The following SMC2 variants were observed in gnomAD, a reference collection of about 807,000 sequenced individuals.
SMC2 encodes the protein structural maintenance of chromosomes 2.
SMC2 carries 41 observed loss-of-function variants against 142.6 expected under a neutral mutation model. That is an observed-to-expected ratio of 0.29 (90% CI 0.22 to 0.37). The LOEUF is 0.37. Among genes scored for constraint, SMC2 ranks in the 10% least tolerant of loss-of-function variants. The pLI, the probability that SMC2 is intolerant of heterozygous loss-of-function variation, is 1.00. For synonymous variants in SMC2, 463 were observed against 457.5 expected, an observed-to-expected ratio of 1.01 and a Z score of -0.15; for missense variants, 1,265 against 1,373.7, an observed-to-expected ratio of 0.92 and a Z score of 1.25.
rs374325104 is a variant in SMC2 at position 104,113,471 on chromosome 9, T to C, written c.1410T>C (p.Tyr470=). ...AAGCTGAAATGAAAAAGCTAAATTATGAAGGTTTGCCTTTAAAAACATGAT... is the reference window on the plus strand; with the variant it reads ...AAGCTGAAATGAAAAAGCTAAATTACGAAGGTTTGCCTTTAAAAACATGAT... ...KLEAEMKKLN[Y]EENKEESLLE... is the part of the protein sequence containing the mutation. The change falls in exon 11 of 25, where the codon TAT becomes TAC. Residue 470 remains tyrosine (Y), a synonymous_variant. Coordinates refer to ENST00000374793, the MANE Select transcript of SMC2 (RefSeq NM_006444.3). The C allele has an allele frequency of 1.4e-5, 22 of 1,598,604 alleles. No individual in the cohort carries two copies. In the East Asian group the frequency reaches 1.6e-4, roughly 11 times the overall value.
intron 3 of SMC2, among the ~76,000 whole-genome samples, chr9:104,097,119 GTTTT>G (rs71501412): frequency 1.5e-3 from 153 of 104,118 alleles, no homozygotes; most frequent in African/African-American, 5.3e-3. Flanking sequence ...GCTTGTCAAG[GTTTT>G]TTTTTTTTTT....
intron 3 of SMC2, 80 bp downstream of exon 3, chr9:104,096,377 G>C: frequency 7.2e-7 from 1 of 1,383,948 alleles, no homozygotes; most frequent in Non-Finnish European, 1.0e-6. Flanking sequence ...TTTGCAAAAC[G>C]TGCTAGAGAA....
intron 9 of SMC2, among the ~76,000 whole-genome samples, chr9:104,108,000 C>T (rs932372781): frequency 6.6e-6 from 1 of 152,136 alleles, no homozygotes; most frequent in Non-Finnish European, 1.5e-5. Flanking sequence ...GGGCATACCT[C>T]CTCAGGTGGT....
intron 3 of SMC2, 104 bp from the exon 4 acceptor site, chr9:104,098,342 C>T: frequency 1.0e-6 from 1 of 962,612 alleles, no homozygotes; most frequent in Non-Finnish European, 1.5e-6. Context: ...GTTTTGTTTA[C>T]TGCTAGTCAG....
At position 104,129,967 on chromosome 9, in the gene SMC2, T is replaced by C. The variant is rs188858009; in HGVS notation, c.2991+122T>C. ...TGCAGATGTCCTTGATACTTTTCTT[T>C]CTGCTTTCCTTTTTCTCTTTTCGTC... On this transcript the variant is annotated intron_variant, in intron 21 of 24. Transcript: ENST00000374793. 87 of 716,526 alleles carry C rather than the reference T, an allele frequency of 1.2e-4. 1 individual carries two copies. The African/African-American group carries it at 1.3e-3, about 11-fold the overall frequency. The allele number at this position is 716,526 out of a possible 1,614,324, so 44.4% of individuals were successfully genotyped here.
rs1835467862 is a variant in SMC2 at position 104,135,812 on chromosome 9, A to AT, written c.3269+1239dup. 24 of 518,454 alleles carry AT rather than the reference A, an allele frequency of 4.6e-5. No homozygotes were observed. In the Admixed American group the frequency reaches 4.7e-4, roughly 10 times the overall value. The allele number at this position is 518,454 out of a possible 1,614,324, so 32.1% of individuals were successfully genotyped here. On this transcript the variant is annotated intron_variant, in intron 23 of 24. Transcript: ENST00000374793. ...TGCTGAAAGTATATGTCAACTTAGA[A>AT]TTGTATATCTAACAGAAATATTCTT...
Position 104,102,510 on chromosome 9 carries a change from C to T in SMC2, c.957C>T (p.Leu319=). Residue 319 remains leucine (L), a synonymous_variant, in exon 9 of 25, where the codon CTC becomes CTT. Transcript: ENST00000374793. ...CTAAATCTCAAAGCGCATTTGATCT[C>T]AAGAAGAAAAATCTGGCATGTGAGG... ...VNTKSQSAFD[L]KKKNLACEES... 4 of 1,613,380 alleles carry T rather than the reference C, an allele frequency of 2.5e-6. No individual in the cohort carries two copies. Among genetic ancestry groups the T allele is most frequent in the Non-Finnish European group, 3.4e-6 (4 of 1,179,674 alleles).
In SMC2 at chr9:104,137,998, T is replaced by C; in HGVS notation, c.3270-20T>C. 6.5e-7 allele frequency: 1 copy of C among 1,527,752 alleles called. No individual in the cohort carries two copies. The highest frequency in any genetic ancestry group is 8.9e-7 in the Non-Finnish European group (1 of 1,129,614). The allele number at this position is 1,527,752 out of a possible 1,614,324, so 94.6% of individuals were successfully genotyped here. ...TGATAAAATCAAATTTTTATGGCTT[T>C]TCTTCTGACCTTTTCTTAGGTCTTT... On this transcript the variant is annotated intron_variant, in intron 23 of 24. Transcript: ENST00000374793.
intron 4 of SMC2, among the ~76,000 whole-genome samples, 198 bp downstream of exon 4, chr9:104,098,766 C>T (rs1352490707): frequency 6.6e-6 from 1 of 151,372 alleles, no homozygotes; most frequent in Non-Finnish European, 1.5e-5. Flanking sequence ...CCTTTGACTC[C>T]TCTAGAATGT....
In SMC2 at chr9:104,120,032, C is replaced by G. The variant is rs767283364; in HGVS notation, c.2002C>G (p.Arg668Gly). The G allele has an allele frequency of 6.2e-7, 1 of 1,613,776 alleles. No individual in the cohort carries two copies. Among genetic ancestry groups the G allele is most frequent in the Non-Finnish European group, 8.5e-7 (1 of 1,179,848 alleles). The change falls in exon 16 of 25, where the codon CGA (arginine) becomes GGA (glycine). Residue 668 changes from arginine to glycine, a missense_variant. Arg to Gly is a moderately radical substitution (Grantham distance 125). This residue lies in a region of SMC2 where 898 missense variants were observed against 904.2 expected (regional missense o/e 0.99). Transcript: ENST00000374793. ...DPHGTLSGGA[R>G]SQAASILTKF... ...TTTCAATTTGCCTCTATCAGGTGCT[C>G]GATCCCAGGCAGCTTCCATTTTAAC... is the stretch of plus-strand genomic sequence containing the variant.
intron 14 of SMC2, 126 bp from the exon 15 acceptor site, chr9:104,118,043 GAA>G (rs1833326927): frequency 1.5e-6 from 1 of 663,832 alleles, no homozygotes; most frequent in Non-Finnish European, 2.4e-6. Flanking sequence ...AGAAAATTCA[GAA>G]AGAGTTTTAA....
chr9:104,106,474 C>T (rs1728017105), intron 9 of SMC2, among the ~76,000 whole-genome samples: 1 of 152,016 alleles, frequency 6.6e-6, no homozygotes, highest in Non-Finnish European at 1.5e-5. Flanking sequence ...CTACAACTTG[C>T]ACTCCACCCC....
intron 9 of SMC2, 65 bp downstream of exon 9, chr9:104,102,638 T>G: frequency 6.9e-7 from 1 of 1,444,030 alleles, no homozygotes; most frequent in South Asian, 1.5e-5. Context: ...TTAGTGTACA[T>G]TTATCTATTC....
chr9:104,139,299 C>T lies in SMC2; in HGVS notation c.3578C>T (p.Ala1193Val). The change falls in exon 25 of 25, where the codon GCA (alanine) becomes GTA (valine). Residue 1193 changes from alanine to valine, a missense_variant. Around this residue, in one of 4 missense-constraint regions of SMC2, gnomAD observed 192 missense variants for 261.9 expected, o/e 0.73. Coordinates refer to ENST00000374793, the MANE Select transcript of SMC2 (RefSeq NM_006444.3). ...AKSKAKPPKG[A>V]HVEV The stretch of plus-strand genomic sequence containing the variant: ...TCCAAGGCAAAACCACCCAAAGGAG[C>T]ACATGTGGAAGTTTAAACTACAAAG... 3.8e-6 allele frequency: 6 copies of T among 1,587,812 alleles called. No homozygotes were observed. The highest frequency in any genetic ancestry group is 5.1e-6 in the Non-Finnish European group (6 of 1,171,666).
chr9:104,114,555 GGTTT>G (rs1393560234), intron 12 of SMC2, 132 bp from the exon 13 acceptor site: 3 of 673,858 alleles, frequency 4.5e-6, no homozygotes, highest in African/African-American at 3.7e-5. Flanking sequence ...TAAAATTTTT[GGTTT>G]GTTAAAACCA....
intron 22 of SMC2, among the ~76,000 whole-genome samples, chr9:104,133,111 G>A (rs916340281): frequency 1.3e-5 from 2 of 152,022 alleles, no homozygotes; most frequent in African/African-American, 4.8e-5. Flanking sequence ...CAAAGCCAGA[G>A]TATTCTAGGC....
Position 104,109,678 on chromosome 9 carries a change from G to A in SMC2, c.1021-1903G>A, listed in dbSNP as rs994162524. ...CAGATTTTTCTCAATAAATATATTGGAAAATTATTTGGAGGTTTGCAACAA... is the reference window on the plus strand; with the variant it reads ...CAGATTTTTCTCAATAAATATATTGAAAAATTATTTGGAGGTTTGCAACAA... On this transcript the variant is annotated intron_variant, in intron 9 of 24. Coordinates refer to ENST00000374793, the MANE Select transcript of SMC2 (RefSeq NM_006444.3). 8.5e-5 allele frequency among the ~76,000 whole-genome samples: 13 copies of A among 152,052 alleles called. 1 individual carries two copies. The highest frequency in any genetic ancestry group is 2.7e-4 in the African/African-American group (11 of 41,404).
chr9:104,139,177 T>A lies in SMC2; in HGVS notation c.3456T>A (p.Asn1152Lys). ...VVSLKEGMFN[N>K]ANVLFKTKFV... ...CACTAAAAGAAGGTATGTTCAACAA[T>A]GCAAACGTTCTTTTCAAAACCAAGT... Residue 1152 changes from asparagine to lysine, a missense_variant, in exon 25 of 25, where the codon AAT becomes AAA. Physicochemically the swap from Asn to Lys is moderately conservative, Grantham distance 94 (BLOSUM62 0). Transcript: ENST00000374793. 6.3e-7 allele frequency: 1 copy of A among 1,597,678 alleles called. No homozygotes were observed. Among genetic ancestry groups the A allele is most frequent in the Non-Finnish European group, 8.5e-7 (1 of 1,175,076 alleles).
chr9:104,129,386 C>CAGTTACTCAGGAGGCTG (rs2073190435), intron 20 of SMC2, among the ~76,000 whole-genome samples: 2 of 151,656 alleles, frequency 1.3e-5, no homozygotes, highest in Admixed American at 1.3e-4. Flanking sequence ...CCTGTGATCC[C>CAGTTACTCAGGAGGCTG]AGTTACTCAG....
Sources: allele counts gnomAD v4.1 joint callset (sites outside exome capture counted in the v4.1 genomes callset), GRCh38; gene constraint gnomAD v4.1.1; regional missense constraint gnomAD v4.1.1; transcripts MANE v1.5; gene names NCBI Gene and HGNC (gene_info 2026-07-23, HGNC 2026-07-21).